The following CSMD1 variants were observed in gnomAD, a reference collection of about 807,000 sequenced individuals.
CSMD1 encodes CUB and Sushi multiple domains 1.
A neutral mutation model predicts 417.5 loss-of-function variants in CSMD1; 213 were observed. The observed-to-expected ratio is 0.51, with a 90% CI of 0.46 to 0.57. The LOEUF (loss-of-function observed/expected upper bound fraction) is 0.57, where lower values mean the gene tolerates loss of function less well. Ranked by LOEUF, CSMD1 falls within the 20% of genes least tolerant of loss-of-function variation. The pLI is 0.00. For missense variants in CSMD1, 6,923 were observed against 4,529.7 expected (o/e 1.53, Z -15.17); for synonymous variants, 2,862 against 1,736.8 (o/e 1.65, Z -16.11).
intron 18 of CSMD1, chr8:3,375,242 C>G (rs1435884592): frequency 6.6e-6 from 1 of 152,150 alleles, no homozygotes; most frequent in African/African-American, 2.4e-5. Context: ...CTCCTAGTGA[C>G]ACTTCTAACT....
intron 5 of CSMD1, among the ~76,000 whole-genome samples, chr8:3,880,261 G>C (rs558417962): frequency 6.6e-6 from 1 of 152,206 alleles, no homozygotes. Context: ...ACATTCATGA[G>C]AACTCAAATT....
chr8:3,177,508 C>T (rs577620453), intron 37 of CSMD1, among the ~76,000 whole-genome samples: 46 of 152,276 alleles, frequency 3.0e-4, no homozygotes. Context: ...AAGGTAAGCT[C>T]TGCTCTATAA....
chr8:4,103,882 A>G (rs1020923670), intron 3 of CSMD1, among the ~76,000 whole-genome samples: 6 of 152,164 alleles, frequency 3.9e-5, no homozygotes, highest in African/African-American at 9.7e-5. Flanking sequence ...CTTGCAGTTA[A>G]TATTTGTTCT....
At chr8:3,727,065 A>C (rs1015641736) in intron 6 of CSMD1, among the ~76,000 whole-genome samples, 1 of 152,112 alleles carries the variant, frequency 6.6e-6, no homozygotes, top group Non-Finnish European at 1.5e-5. Flanking sequence ...TTTTCTCTCT[A>C]TATAAAGATA....
intron 6 of CSMD1, among the ~76,000 whole-genome samples, chr8:3,732,297 C>T (rs923629601): frequency 9.2e-5 from 14 of 152,118 alleles, no homozygotes; most frequent in Admixed American, 3.3e-4. Flanking sequence ...AAAATCTTTC[C>T]GCTAAAAATA....
intron 16 of CSMD1, 81 bp from the exon 17 acceptor site, chr8:3,396,462 A>T: frequency 1.0e-6 from 1 of 998,268 alleles, no homozygotes. Flanking sequence ...TCATTCCTTA[A>T]TCAGAAACCC....
intron 3 of CSMD1, among the ~76,000 whole-genome samples, chr8:4,210,876 G>C (rs553594001): frequency 6.6e-6 from 1 of 152,150 alleles, no homozygotes; most frequent in African/African-American, 2.4e-5. Flanking sequence ...TTGTCTTCTT[G>C]GTCCCTCAGA....
intron 3 of CSMD1, among the ~76,000 whole-genome samples, chr8:4,118,787 G>A (rs1175307533): frequency 6.6e-6 from 1 of 152,172 alleles, no homozygotes; most frequent in Non-Finnish European, 1.5e-5. Context: ...AAAGACACAT[G>A]CACATGTATG....
chr8:4,699,869 A>G (rs911992940), intron 1 of CSMD1, among the ~76,000 whole-genome samples: 3 of 152,248 alleles, frequency 2.0e-5, no homozygotes, highest in African/African-American at 7.2e-5. Flanking sequence ...AGCAAGAACA[A>G]GAGACAAAGT....
intron 12 of CSMD1, among the ~76,000 whole-genome samples, chr8:3,431,215 C>A (rs1013347454): frequency 6.6e-6 from 1 of 152,148 alleles, no homozygotes; most frequent in East Asian, 1.9e-4. Context: ...CACTAAGACA[C>A]AGGTCCATGC....
intron 5 of CSMD1, among the ~76,000 whole-genome samples, chr8:3,976,187 G>A (rs561670763): frequency 7.3e-5 from 11 of 151,544 alleles, no homozygotes; most frequent in Admixed American, 2.6e-4. Context: ...GATAACTTAT[G>A]CTTATTTTAA....
intron 46 of CSMD1, among the ~76,000 whole-genome samples, chr8:3,101,799 CTT>C (rs530061255): frequency 0.63 from 66,414 of 105,312 alleles, 20,992 homozygotes; most frequent in South Asian, 0.73. Context: ...CTTTCTTTTT[CTT>C]TTTTTTTTTT....
At chr8:4,376,281 T>G (rs1027302856) in intron 3 of CSMD1, among the ~76,000 whole-genome samples, 1 of 152,214 alleles carries the variant, frequency 6.6e-6, no homozygotes, top group African/African-American at 2.4e-5. Context: ...AAGAATGACC[T>G]GTGGCCATTG....
At chr8:4,556,047 A>G (rs1199566419) in intron 2 of CSMD1, among the ~76,000 whole-genome samples, 2 of 152,118 alleles carry the variant, frequency 1.3e-5, no homozygotes, top group African/African-American at 4.8e-5. Flanking sequence ...TAAATAAAAT[A>G]TAATTATTTT....
At chr8:2,962,934 G>A (rs755648193) in intron 60 of CSMD1, among the ~76,000 whole-genome samples, 19 of 152,146 alleles carry the variant, frequency 1.2e-4, no homozygotes, top group Non-Finnish European at 1.9e-4. Flanking sequence ...TGTAGTCCCA[G>A]CTACTCGGGA....
At chr8:3,372,316 A>G (rs11988871) in intron 18 of CSMD1, among the ~76,000 whole-genome samples, 19,228 of 152,126 alleles carry the variant, frequency 0.13, 1,377 homozygotes, top group African/African-American at 0.2. Context: ...CACCTCTGTG[A>G]CTGGGGGGTC....
chr8:4,670,400 T>C (rs1360100604), intron 1 of CSMD1, among the ~76,000 whole-genome samples: 1 of 152,112 alleles, frequency 6.6e-6, no homozygotes, highest in Admixed American at 6.6e-5. Flanking sequence ...AGTGAAGTCA[T>C]GGGAAAGAAA....
At chr8:3,243,747 T>C (rs975270520) in intron 26 of CSMD1, among the ~76,000 whole-genome samples, 6 of 150,896 alleles carry the variant, frequency 4.0e-5, no homozygotes, top group South Asian at 2.1e-4. Flanking sequence ...ACAAATATTA[T>C]TTATGTATTT....
At chr8:3,271,355 T>G (rs1452896568) in intron 26 of CSMD1, among the ~76,000 whole-genome samples, 1 of 152,002 alleles carries the variant, frequency 6.6e-6, no homozygotes, top group Admixed American at 6.6e-5. Context: ...TGGTTCCAAG[T>G]CTTTGCTATT....
Sources: allele counts gnomAD v4.1 joint callset (sites outside exome capture counted in the v4.1 genomes callset), GRCh38; gene constraint gnomAD v4.1.1; transcripts MANE v1.5; gene names NCBI Gene and HGNC (gene_info 2026-07-23, HGNC 2026-07-21).